CYP24A1: variants seen among roughly 807,000 people sequenced by gnomAD.
CYP24A1 encodes the protein 1,25-dihydroxyvitamin D(3) 24-hydroxylase, mitochondrial.
A neutral mutation model predicts 62.4 loss-of-function variants in CYP24A1; 68 were observed. The ratio of observed to expected loss-of-function variants is 1.09; its 90% CI spans 0.90 to 1.33. CYP24A1 has a LOEUF of 1.33. Ranked by LOEUF, CYP24A1 falls within the 40% of genes most tolerant of loss-of-function variation. The pLI, the probability that CYP24A1 is intolerant of heterozygous loss-of-function variation, is 0.00. For missense variants in CYP24A1, 787 were observed against 653.0 expected, an observed-to-expected ratio of 1.21 and a Z score of -2.24; for synonymous variants, 267 against 253.0, an observed-to-expected ratio of 1.06 and a Z score of -0.52.
the CYP24A1 span, among the ~76,000 whole-genome samples, chr20:54,143,831 C>CAA: frequency 8.1e-4 from 120 of 147,838 alleles, no homozygotes; most frequent in African/African-American, 2.8e-3. Flanking sequence ...ATACAGACAG[C>CAA]AAAAAAAAAA....
chr20:54,158,810 G>C, intron 8 of CYP24A1, 147 bp downstream of exon 8: 1 of 1,406,684 alleles, frequency 7.1e-7, no homozygotes, highest in Non-Finnish European at 9.6e-7. Flanking sequence ...TGCCAGAAAA[G>C]AAATATGGCT....
chr20:54,173,384 G>T lies in CYP24A1; in HGVS notation c.196C>A (p.Leu66Met), dbSNP rs1427886100. The stretch of plus-strand genomic sequence containing the variant: ...AGAATCTGCAGCAGGCTGCCCAGCA[G>T]TGGCCAGCTGGTGGGGCCCGGCAGG... ...AALPGPTSWP[L>M]LGSLLQILWK... Residue 66 changes from leucine (L) to methionine (M), a missense_variant, in exon 1 of 12, where the codon CTG (leucine) becomes ATG (methionine). By Grantham distance (15) the Leu-to-Met change is conservative. Transcript: ENST00000216862. The surrounding 1 kb of genome is among the most constrained non-coding windows in gnomAD (Gnocchi z 7.2). 1 of 1,595,532 alleles carries T rather than the reference G, an allele frequency of 6.3e-7. No homozygotes were observed. The highest frequency in any genetic ancestry group is 8.5e-7 in the Non-Finnish European group (1 of 1,169,720).
At chr20:54,172,531 AG>A (rs2092697416) in intron 2 of CYP24A1, among the ~76,000 whole-genome samples, 1 of 152,170 alleles carries the variant, frequency 6.6e-6, no homozygotes, top group Non-Finnish European at 1.5e-5. Context: ...AAGGTGTTTC[AG>A]GGAGTTTTAA....
At chr20:54,167,094 C>T (rs2092674896) in intron 4 of CYP24A1, among the ~76,000 whole-genome samples, 1 of 152,078 alleles carries the variant, frequency 6.6e-6, no homozygotes, top group Admixed American at 6.5e-5. Context: ...ATAATTGGCT[C>T]TTGACTTATA....
chr20:54,172,976 G>T lies in CYP24A1; in HGVS notation c.382C>A (p.Arg128=), dbSNP rs778708906. Residue 128 remains arginine (R), a synonymous_variant, in exon 2 of 12, where the codon CGG becomes AGG. Transcript: ENST00000216862. The part of the protein sequence containing the change: ...LYRTESAYPQ[R]LEIKPWKAYR... ...GCCTTCCACGGTTTGATCTCCAGCCGCTGCGGGTACGCGCTCTCGGTGCGG... is the reference window on the plus strand; with the variant it reads ...GCCTTCCACGGTTTGATCTCCAGCCTCTGCGGGTACGCGCTCTCGGTGCGG... The T allele has an allele frequency of 6.2e-7, 1 of 1,613,198 alleles. No homozygotes were observed. Among genetic ancestry groups the T allele is most frequent in the Admixed American group, 1.7e-5 (1 of 60,032 alleles).
intron 7 of CYP24A1, 97 bp from the exon 8 acceptor site, chr20:54,159,220 A>T: frequency 1.1e-6 from 1 of 947,748 alleles, no homozygotes; most frequent in South Asian, 1.3e-5. Context: ...CTTATTCTGC[A>T]AATGTATCAG....
intron 7 of CYP24A1, among the ~76,000 whole-genome samples, chr20:54,160,586 A>G (rs1214882755): frequency 9.2e-5 from 14 of 152,248 alleles, no homozygotes; most frequent in Admixed American, 7.8e-4. Context: ...CCTCGGCTGC[A>G]AATAAACTGT....
intron 6 of CYP24A1, among the ~76,000 whole-genome samples, 169 bp from the exon 7 acceptor site, chr20:54,163,031 G>A (rs1661442777): frequency 6.6e-6 from 1 of 152,078 alleles, no homozygotes; most frequent in African/African-American, 2.4e-5. Context: ...TTGTCAAGTC[G>A]GCAAGGATTT....
At position 54,165,511 on chromosome 20, in the gene CYP24A1, C is replaced by T. The variant is rs6127120; in HGVS notation, c.732+231G>A. ...CCCTGCCCCACCACCCTGCCCTGTC[C>T]ATGGAAAAATTGTCTTCCACGAAAC... On this transcript the variant is annotated intron_variant, in intron 5 of 11. Transcript: ENST00000216862. Among the ~76,000 whole-genome samples the T allele has an allele frequency of 0.063, 9,586 of 152,248 alleles. 473 individuals are homozygous for T. Among genetic ancestry groups the T allele is most frequent in the East Asian group, 0.24 (1,256 of 5,182 alleles).
chr20:54,144,388 C>T, the CYP24A1 span, among the ~76,000 whole-genome samples: 3 of 151,328 alleles, frequency 2.0e-5, no homozygotes, highest in Non-Finnish European at 4.4e-5. Context: ...TAGTTGCGAC[C>T]ACAGGTGTGC....
intron 3 of CYP24A1, among the ~76,000 whole-genome samples, chr20:54,171,004 C>T (rs1171826205): frequency 6.6e-6 from 1 of 152,218 alleles, no homozygotes; most frequent in Non-Finnish European, 1.5e-5. Flanking sequence ...GAGAAAGCCT[C>T]ACATCAGCTA....
chr20:54,171,210 G>A (rs185417663), intron 3 of CYP24A1, among the ~76,000 whole-genome samples: 1 of 152,142 alleles, frequency 6.6e-6, no homozygotes, highest in Non-Finnish European at 1.5e-5. Context: ...CCCGTGGGGT[G>A]GGAACTGTTA....
chr20:54,170,980 C>A (rs1032564547), intron 3 of CYP24A1, among the ~76,000 whole-genome samples: 1 of 152,186 alleles, frequency 6.6e-6, no homozygotes, highest in South Asian at 2.1e-4. Context: ...TAAGACCTAT[C>A]CAGTATCATT....
At position 54,162,740 on chromosome 20, in the gene CYP24A1, G is replaced by T; in HGVS notation, c.967C>A (p.Leu323Ile). 1 of 1,601,940 alleles carries T rather than the reference G, an allele frequency of 6.2e-7. No homozygotes were observed. Among genetic ancestry groups the T allele is most frequent in the Non-Finnish European group, 8.6e-7 (1 of 1,169,238 alleles). ...ACCGTTTCCACCGCAGCCAGCTGGA[G>T]CTCTGTGACAGCAGCATACAATTCT... ...KKELYAAVTE[L>I]QLAAVETTAN... The change falls in exon 7 of 12, where the codon CTC becomes ATC. Residue 323 changes from leucine (L) to isoleucine (I), a missense_variant. Transcript: ENST00000216862.
chr20:54,148,410 A>G, the CYP24A1 span, among the ~76,000 whole-genome samples: 6 of 149,026 alleles, frequency 4.0e-5, no homozygotes, highest in Admixed American at 2.7e-4. Flanking sequence ...ACACACACAC[A>G]CGTCTTAACT....
At chr20:54,168,172 G>T (rs1195043772) in intron 4 of CYP24A1, among the ~76,000 whole-genome samples, 1 of 152,188 alleles carries the variant, frequency 6.6e-6, no homozygotes, top group Admixed American at 6.5e-5. Flanking sequence ...GTCCGGCTTA[G>T]GTGGCCCTCT....
the CYP24A1 span, among the ~76,000 whole-genome samples, chr20:54,144,416 AT>A: frequency 3.4e-5 from 5 of 147,554 alleles, no homozygotes; most frequent in Admixed American, 6.8e-5. Context: ...CACTTGGCTA[AT>A]TTTTTTTTTG....
chr20:54,161,953 A>C (rs2092651965), intron 7 of CYP24A1, among the ~76,000 whole-genome samples: 1 of 152,212 alleles, frequency 6.6e-6, no homozygotes, highest in Non-Finnish European at 1.5e-5. Context: ...ACTTAGGAGG[A>C]GGTTAGCGTG....
chr20:54,157,000 C>G (rs979532994), intron 11 of CYP24A1, among the ~76,000 whole-genome samples, 169 bp downstream of exon 11: 1 of 149,494 alleles, frequency 6.7e-6, no homozygotes, highest in South Asian at 2.1e-4. Context: ...CATCATTTTA[C>G]AAATGAAAAA....
Sources: gnomAD v4.1 joint callset for allele counts (sites outside exome capture counted in the v4.1 genomes callset) on GRCh38, gnomAD v4.1.1 for gene constraint, Gnocchi (gnomAD v3.1) non-coding constraint, MANE v1.5 for transcripts, NCBI Gene and HGNC (gene_info 2026-07-23, HGNC 2026-07-21) for gene names.